The following LRP5 variants were observed in gnomAD, a reference collection of about 807,000 sequenced individuals.
LRP5 encodes low-density lipoprotein receptor-related protein 5.
A neutral mutation model predicts 154.1 loss-of-function variants in LRP5; 62 were observed. The observed-to-expected ratio is 0.40, with a 90% CI of 0.33 to 0.50. The LOEUF is 0.50. Ranked by LOEUF, LRP5 falls within the 20% of genes least tolerant of loss-of-function variation. The pLI is 0.55. For synonymous variants in LRP5, 966 were observed against 1,011.5 expected (o/e 0.96, Z 0.85); for missense variants, 1,915 against 2,336.7 (o/e 0.82, Z 3.72).
rs560067563 is a variant in LRP5, at chr11:68,315,983, T to C, written c.91+3178T>C. Among the ~76,000 whole-genome samples the C allele has an allele frequency of 2.0e-5, 3 of 152,280 alleles. No individual in the cohort carries two copies. In the South Asian group the frequency reaches 6.2e-4, roughly 32 times the overall value. On this transcript the variant is annotated intron_variant, in intron 1 of 22. Transcript: ENST00000294304. ...TTATATAATATAAAATATTAAAGTA[T>C]AGAAGGCAGGCATTTGGTACATTCA... is the stretch of plus-strand genomic sequence containing the variant.
rs757777983 is a variant in LRP5, at chr11:68,403,575, C to T, written c.1677C>T (p.Tyr559=). ...FGFTLLGDFI[Y]WTDWQRRSIE... is the part of the protein sequence containing the mutation. ...TCACGCTGCTGGGGGACTTCATCTACTGGACTGACTGGCAGCGCCGCAGCA... is the reference window on the plus strand; with the variant it reads ...TCACGCTGCTGGGGGACTTCATCTATTGGACTGACTGGCAGCGCCGCAGCA... The change falls in exon 8 of 23, where the codon TAC becomes TAT. Residue 559 remains tyrosine (Y), a synonymous_variant. Coordinates refer to ENST00000294304, the MANE Select transcript of LRP5 (RefSeq NM_002335.4). 1.2e-6 allele frequency: 2 copies of T among 1,614,230 alleles called. No individual in the cohort carries two copies. The highest frequency in any genetic ancestry group is 1.1e-5 in the South Asian group (1 of 91,090).
At chr11:68,443,187 T>G (rs1004969584) in intron 21 of LRP5, among the ~76,000 whole-genome samples, 1 of 152,026 alleles carries the variant, frequency 6.6e-6, no homozygotes, top group South Asian at 2.1e-4. Context: ...TCATGAATGA[T>G]GTAAGCATCA....
At position 68,406,626 on chromosome 11, in the gene LRP5, G is replaced by A. The variant is rs2098655846; in HGVS notation, c.1904G>A (p.Ser635Asn). ...CGCPIGLELL[S>N]DMKTCIVPEA... is the part of the protein sequence containing the mutation. ...TGCCCCATCGGCCTGGAGCTGCTGA[G>A]TGACATGAAGACCTGCATCGTGCCT... Residue 635 changes from serine to asparagine, a missense_variant, in exon 9 of 23, where the codon AGT becomes AAT. Ser to Asn is a conservative substitution (Grantham distance 46, BLOSUM62 1). Around this residue, in one of 3 missense-constraint regions of LRP5, gnomAD observed 773 missense variants for 1,100.9 expected, o/e 0.70. Transcript: ENST00000294304. 6.2e-7 allele frequency: 1 copy of A among 1,614,184 alleles called. No homozygotes were observed. The highest frequency in any genetic ancestry group is 8.5e-7 in the Non-Finnish European group (1 of 1,180,056).
rs765679736 is a variant in LRP5, at chr11:68,320,519, G to A, written c.91+7714G>A. On this transcript the variant is annotated intron_variant, in intron 1 of 22. Coordinates refer to ENST00000294304, the MANE Select transcript of LRP5 (RefSeq NM_002335.4). ...CCTCCAGGCTGGAGTGCAGTGGCGC[G>A]ATTGCCATCTTGGTTCACTGCAACC... Among the ~76,000 whole-genome samples, 7 of 149,484 alleles carry A rather than the reference G, an allele frequency of 4.7e-5. No individual in the cohort carries two copies. In the East Asian group the frequency reaches 5.9e-4, roughly 13 times the overall value.
chr11:68,438,348 C>T, intron 19 of LRP5, 98 bp from the exon 20 acceptor site: 1 of 1,205,174 alleles, frequency 8.3e-7, no homozygotes, highest in Non-Finnish European at 1.2e-6. Context: ...CCACCAGTGG[C>T]AAAGCCAGCC....
chr11:68,305,384 C>T, the LRP5 span, among the ~76,000 whole-genome samples: 2 of 151,954 alleles, frequency 1.3e-5, no homozygotes, highest in African/African-American at 4.8e-5. Flanking sequence ...GTACAGCCTG[C>T]AGAACCGGGA....
Position 68,448,938 on chromosome 11 carries a change from C to G in LRP5, c.4716C>G (p.Pro1572=). 1 of 1,613,492 alleles carries G rather than the reference C, an allele frequency of 6.2e-7. No individual in the cohort carries two copies. The highest frequency in any genetic ancestry group is 8.5e-7 in the Non-Finnish European group (1 of 1,179,990). ...YYLDLNSDSD[P]YPPPPTPHSQ... ...TGGATTTGAACTCGGACTCAGACCCCTATCCACCCCCACCCACGCCCCACA... is the reference window on the plus strand; with the variant it reads ...TGGATTTGAACTCGGACTCAGACCCGTATCCACCCCCACCCACGCCCCACA... Residue 1572 remains proline, a synonymous_variant, in exon 23 of 23, where the codon CCC becomes CCG. Coordinates refer to ENST00000294304, the MANE Select transcript of LRP5 (RefSeq NM_002335.4).
At chr11:68,387,008 C>A (rs1258222490) in intron 6 of LRP5, among the ~76,000 whole-genome samples, 1 of 152,208 alleles carries the variant, frequency 6.6e-6, no homozygotes, top group African/African-American at 2.4e-5. Flanking sequence ...GCTTCAGTTT[C>A]CTCATCTGTA....
intron 1 of LRP5, among the ~76,000 whole-genome samples, chr11:68,345,754 CAT>C (rs1002868060): frequency 6.6e-6 from 1 of 152,154 alleles, no homozygotes; most frequent in African/African-American, 2.4e-5. Context: ...TGCTGTTTTC[CAT>C]AGTAGCTGCA....
At position 68,312,817 on chromosome 11, in the gene LRP5, C is replaced by A. The variant is rs976965563; in HGVS notation, c.91+12C>A. On this transcript the variant is annotated intron_variant, in intron 1 of 22. Coordinates refer to ENST00000294304, the MANE Select transcript of LRP5 (RefSeq NM_002335.4). ...GGCCCCCGCCGCGGGTAGGTGGGCG[C>A]AGGCCGGCCGGGGGCCGCGGGTTGC... The A allele has an allele frequency of 9.6e-7, 1 of 1,040,280 alleles. No homozygotes were observed. Among genetic ancestry groups the A allele is most frequent in the Non-Finnish European group, 1.2e-6 (1 of 867,210 alleles). 64.4% of individuals were successfully genotyped at this position (1,040,280 alleles called of 1,614,324 possible).
intron 8 of LRP5, chr11:68,404,170 C>T (rs781196787): frequency 1.4e-5 from 6 of 440,472 alleles, no homozygotes; most frequent in South Asian, 3.7e-5. Flanking sequence ...ATCTTCAGGA[C>T]GCTCCCCGAG....
chr11:68,384,111 G>A (rs968125540), intron 5 of LRP5, among the ~76,000 whole-genome samples: 5 of 152,120 alleles, frequency 3.3e-5, no homozygotes, highest in South Asian at 2.1e-4. Context: ...TTGCCATCAC[G>A]TGGGCGCCCT....
At chr11:68,398,385 C>T (rs138559989) in intron 7 of LRP5, among the ~76,000 whole-genome samples, 1,681 of 152,278 alleles carry the variant, frequency 0.011, 12 homozygotes, top group Admixed American at 0.018. Context: ...GTCAGGGGGG[C>T]GTGCGCCTGC....
At chr11:68,357,567 GT>G (rs2098624148) in intron 2 of LRP5, 82 bp from the exon 3 acceptor site, 1 of 1,288,206 alleles carries the variant, frequency 7.8e-7, no homozygotes, top group Non-Finnish European at 1.1e-6. Context: ...TTCACTGTCT[GT>G]TGTTTCATGT....
At chr11:68,403,720 G>A (rs370314866) in intron 8 of LRP5, 21 bp downstream of exon 8, 2 of 1,612,360 alleles carry the variant, frequency 1.2e-6, no homozygotes, top group Non-Finnish European at 1.7e-6. Flanking sequence ...GGGGTCCCAA[G>A]CCATGGCTCA....
rs58477287 is a variant in LRP5 at position 68,344,849 on chromosome 11, C to CTTTTTTTTTTTTTTTTT, written c.92-2984_92-2968dup. Among the ~76,000 whole-genome samples the CTTTTTTTTTTTTTTTTT allele has an allele frequency of 6.1e-5, 4 of 65,546 alleles. 1 individual carries two copies. The highest frequency in any genetic ancestry group is 6.2e-5 in the African/African-American group (1 of 16,182). The allele number at this position is 65,546 out of a possible 152,430, so 43.0% of individuals were successfully genotyped here. ...TTGTAGCATGTGTCAGAATCTCTCTCTTTTTTTTTTTTTTTTTTTTTTTTT... is the reference window on the plus strand; with the variant it reads ...TTGTAGCATGTGTCAGAATCTCTCTCTTTTTTTTTTTTTTTTTTTTTTTTTTTTTTTTTTTTTTTTTT... On this transcript the variant is annotated intron_variant, in intron 1 of 22. Coordinates refer to ENST00000294304, the MANE Select transcript of LRP5 (RefSeq NM_002335.4).
At chr11:68,361,720 G>T (rs2098628234) in intron 3 of LRP5, among the ~76,000 whole-genome samples, 1 of 152,148 alleles carries the variant, frequency 6.6e-6, no homozygotes, top group East Asian at 1.9e-4. Flanking sequence ...TACTCAGGAG[G>T]CTGAGGCAGG....
At position 68,415,746 on chromosome 11, in the gene LRP5, CG is replaced by C. The variant is rs1565093969; in HGVS notation, c.2828-581del. 1.0e-4 allele frequency among the ~76,000 whole-genome samples: 7 copies of C among 68,686 alleles called. 3 individuals are homozygous for C. Among genetic ancestry groups the C allele is most frequent in the Non-Finnish European group, 1.8e-4 (5 of 27,302 alleles). The allele number at this position is 68,686 out of a possible 152,430, so 45.1% of individuals were successfully genotyped here. ...GGGCAACAAGAGCGAAACTCCATCTCGAATGAATGAATGAATGAATGAATGA... is the reference window on the plus strand; with the variant it reads ...GGGCAACAAGAGCGAAACTCCATCTCAATGAATGAATGAATGAATGAATGA... On this transcript the variant is annotated intron_variant, in intron 12 of 22. Coordinates refer to ENST00000294304, the MANE Select transcript of LRP5 (RefSeq NM_002335.4).
At chr11:68,377,068 G>A (rs1322425546) in intron 5 of LRP5, among the ~76,000 whole-genome samples, 3 of 152,106 alleles carry the variant, frequency 2.0e-5, no homozygotes, top group African/African-American at 7.2e-5. Flanking sequence ...TCAGGAGTTC[G>A]AGACCAGCCT....
Sources: allele counts gnomAD v4.1 joint callset (sites outside exome capture counted in the v4.1 genomes callset), GRCh38; gene constraint gnomAD v4.1.1; regional missense constraint gnomAD v4.1.1; transcripts MANE v1.5; gene names NCBI Gene and HGNC (gene_info 2026-07-23, HGNC 2026-07-21).